CALM2: variants seen among roughly 807,000 people sequenced by gnomAD.
The protein encoded by CALM2 is calmodulin 2.
In CALM2, 2 loss-of-function variants were observed where a neutral mutation model predicts 19.8. The observed-to-expected ratio is 0.10, with a 90% CI of 0.04 to 0.32. CALM2 has a LOEUF of 0.32. Ranked by LOEUF, CALM2 falls within the 10% of genes least tolerant of loss-of-function variation. The pLI is 1.00. For synonymous variants in CALM2, 51 were observed against 52.1 expected (o/e 0.98, Z 0.09); for missense variants, 38 against 178.7 (o/e 0.21, Z 4.49).
chr2:47,175,462 T>C (rs1359205177), intron 1 of CALM2, among the ~76,000 whole-genome samples: 1 of 152,200 alleles, frequency 6.6e-6, no homozygotes. Flanking sequence ...AGAAACGCCT[T>C]GTAGAACCCT....
Position 47,160,502 on chromosome 2 carries a change from T to C in CALM2, c.*274A>G, listed in dbSNP as rs1687122861. 3 of 320,926 alleles carry C rather than the reference T, an allele frequency of 9.3e-6. No individual in the cohort carries two copies. Among genetic ancestry groups the C allele is most frequent in the Non-Finnish European group, 1.7e-5 (3 of 174,382 alleles). The allele number at this position is 320,926 out of a possible 1,614,324, so 19.9% of individuals were successfully genotyped here. On this transcript the variant is annotated 3_prime_UTR_variant, in exon 6 of 6. Transcript: ENST00000272298. ...GGCATAACCCAGATGTTCCCTCATTTGACCAACTCCATCTAAGTTTAGATG... is the reference window on the plus strand; with the variant it reads ...GGCATAACCCAGATGTTCCCTCATTCGACCAACTCCATCTAAGTTTAGATG...
At chr2:47,169,238 T>C (rs1165979916) in intron 2 of CALM2, among the ~76,000 whole-genome samples, 2 of 152,174 alleles carry the variant, frequency 1.3e-5, no homozygotes, top group Non-Finnish European at 2.9e-5. Flanking sequence ...AGGTCAGAGT[T>C]TAAGAGTGAA....
At chr2:47,169,559 A>C (rs1056279313) in intron 2 of CALM2, among the ~76,000 whole-genome samples, 3 of 152,230 alleles carry the variant, frequency 2.0e-5, no homozygotes, top group African/African-American at 7.2e-5. Flanking sequence ...TGTTCATAAC[A>C]GTCAATACAT....
rs11291626 is a variant in CALM2, at chr2:47,168,783, CTTT to C, written c.34+1948_34+1950del. On this transcript the variant is annotated intron_variant, in intron 2 of 5. Transcript: ENST00000272298. ...TCCTCTTATATTCAATAGACACAAA[CTTT>C]TTTTTTTTTGAGGCAAAGTCTCGCT... 3.3e-5 allele frequency among the ~76,000 whole-genome samples: 5 copies of C among 149,360 alleles called. No homozygotes were observed. In the South Asian group the frequency reaches 8.4e-4, roughly 25 times the overall value.
At position 47,160,794 on chromosome 2, in the gene CALM2, T is replaced by C. The variant is rs1410055765; in HGVS notation, c.432A>G (p.Gln144=). Residue 144 remains glutamine (Q), a synonymous_variant, in exon 6 of 6, where the codon CAA becomes CAG. Transcript: ENST00000272298. The stretch of plus-strand genomic sequence containing the variant: ...AAGGTCTTCACTTTGCTGTCATCAT[T>C]TGTACAAACTCTGAAAAAGAAGAAG... ...DGQVNYEEFV[Q]MMTAK is the part of the protein sequence containing the mutation. The C allele has an allele frequency of 6.6e-7, 1 of 1,506,764 alleles. No homozygotes were observed. 93.3% of individuals were successfully genotyped at this position (1,506,764 alleles called of 1,614,324 possible). A position where few individuals can be genotyped will look rare whatever the true frequency, so the allele number is the denominator to read the frequency against.
intron 2 of CALM2, among the ~76,000 whole-genome samples, chr2:47,165,177 C>T (rs937737598): frequency 1.3e-5 from 2 of 152,226 alleles, no homozygotes; most frequent in Non-Finnish European, 2.9e-5. Context: ...GTCACCCAAT[C>T]CATCAAGCAT....
At chr2:47,172,454 G>C (rs1573229328) in intron 1 of CALM2, 2 of 1,038,642 alleles carry the variant, frequency 1.9e-6, no homozygotes, top group Non-Finnish European at 2.7e-6. Context: ...TATGTACAAA[G>C]CTAACCTAAA....
chr2:47,175,550 C>T (rs1166688471), intron 1 of CALM2, among the ~76,000 whole-genome samples: 2 of 152,208 alleles, frequency 1.3e-5, no homozygotes, highest in Admixed American at 1.3e-4. Flanking sequence ...AGACTAATTT[C>T]TTTCAACGAC....
chr2:47,165,947 A>C (rs1484107386), intron 2 of CALM2, among the ~76,000 whole-genome samples: 1 of 152,210 alleles, frequency 6.6e-6, no homozygotes, highest in Non-Finnish European at 1.5e-5. Flanking sequence ...ATTTTGGTTC[A>C]AGGCTCCATC....
intron 1 of CALM2, among the ~76,000 whole-genome samples, chr2:47,175,977 C>A (rs12987588): frequency 6.6e-6 from 1 of 151,846 alleles, no homozygotes; most frequent in African/African-American, 2.4e-5. Context: ...CTCCCGCCCC[C>A]TGGGCGCATG....
chr2:47,170,825 A>G, intron 1 of CALM2, 61 bp from the exon 2 acceptor site: 3 of 1,365,504 alleles, frequency 2.2e-6, no homozygotes, highest in Non-Finnish European at 3.1e-6. Flanking sequence ...GCAGTTACAG[A>G]AACAAGTTTA....
At chr2:47,160,854 A>C (rs1162537173) in intron 5 of CALM2, 50 bp from the exon 6 acceptor site, 3 of 101,828 alleles carry the variant, frequency 2.9e-5, no homozygotes, top group South Asian at 1.1e-4. Context: ...AAAGACCAAA[A>C]AAAAAAAAAA....
At chr2:47,161,271 T>TA (rs1486648710) in intron 5 of CALM2, among the ~76,000 whole-genome samples, 1 of 152,178 alleles carries the variant, frequency 6.6e-6, no homozygotes, top group Non-Finnish European at 1.5e-5. Flanking sequence ...AGTTAGTAGA[T>TA]ACGATACTTT....
chr2:47,176,474 A>C lies in CALM2; in HGVS notation c.-31T>G. Reference sequence around the variant, plus strand: ...AAGCGCTACCGGTTTCCGAGACGCGACCACACAACCACTCAGCTCGCTCTC... The same window carrying C: ...AAGCGCTACCGGTTTCCGAGACGCGCCCACACAACCACTCAGCTCGCTCTC... On this transcript the variant is annotated 5_prime_UTR_variant, in exon 1 of 6. Transcript: ENST00000272298. 1.2e-6 allele frequency: 2 copies of C among 1,613,518 alleles called. No individual in the cohort carries two copies. Among genetic ancestry groups the C allele is most frequent in the Non-Finnish European group, 1.7e-6 (2 of 1,179,898 alleles).
chr2:47,175,545 A>G (rs541586443), intron 1 of CALM2, among the ~76,000 whole-genome samples: 1 of 152,176 alleles, frequency 6.6e-6, no homozygotes, highest in African/African-American at 2.4e-5. Flanking sequence ...GGGTAAGACT[A>G]ATTTCTTTCA....
intron 2 of CALM2, 96 bp downstream of exon 2, chr2:47,170,638 A>T: frequency 3.1e-6 from 3 of 967,644 alleles, no homozygotes; most frequent in Admixed American, 1.7e-5. Flanking sequence ...GACATATACC[A>T]AAGTCAATTA....
chr2:47,176,264 G>A, intron 1 of CALM2, 177 bp downstream of exon 1: 4 of 688,316 alleles, frequency 5.8e-6, no homozygotes, highest in South Asian at 1.8e-5. Context: ...AGAGAATGGG[G>A]GTGGGGGAGC....
chr2:47,166,428 T>C (rs900834615), intron 2 of CALM2, among the ~76,000 whole-genome samples: 6 of 152,214 alleles, frequency 3.9e-5, no homozygotes, highest in African/African-American at 1.2e-4. Flanking sequence ...GGAAGATGCA[T>C]AGTGTAAGAC....
chr2:47,174,658 A>C (rs953237847), intron 1 of CALM2, among the ~76,000 whole-genome samples: 2 of 152,102 alleles, frequency 1.3e-5, no homozygotes, highest in African/African-American at 4.8e-5. Flanking sequence ...GGGACCACAA[A>C]TGCGTAGATA....
Sources: allele counts gnomAD v4.1 joint callset (sites outside exome capture counted in the v4.1 genomes callset), GRCh38; gene constraint gnomAD v4.1.1; transcripts MANE v1.5; gene names NCBI Gene and HGNC (gene_info 2026-07-23, HGNC 2026-07-21).